Variants in LZTFL1 observed in about 807,000 individuals in gnomAD.
LZTFL1 encodes the protein leucine zipper transcription factor like 1.
LZTFL1 carries 25 observed loss-of-function variants against 45.9 expected under a neutral mutation model. The ratio of observed to expected loss-of-function variants is 0.54; its 90% CI spans 0.40 to 0.76. The LOEUF (loss-of-function observed/expected upper bound fraction) is 0.76, where lower values mean the gene tolerates loss of function less well. Ranked by LOEUF, LZTFL1 falls within the 30% of genes least tolerant of loss-of-function variation. LZTFL1 has a pLI of 0.00. For missense variants in LZTFL1, 277 were observed against 331.1 expected, an observed-to-expected ratio of 0.84 and a Z score of 1.27; for synonymous variants, 93 against 117.4, an observed-to-expected ratio of 0.79 and a Z score of 1.35.
chr3:45,901,556 C>G lies in LZTFL1; in HGVS notation c.-215+11564G>C. ...CCAAGCACAAAGCCCTAAAAGTGAC[C>G]ATCACTGTCCTGACCGTCTTTGTCT... On this transcript the variant is annotated intron_variant, in intron 2 of 4. Coordinates refer to the LZTFL1 transcript ENST00000472635. The surrounding 1 kb of genome is among the most constrained non-coding windows in gnomAD (Gnocchi z 4.3). 1 of 1,614,192 alleles carries G rather than the reference C, an allele frequency of 6.2e-7. No individual in the cohort carries two copies. The highest frequency in any genetic ancestry group is 8.5e-7 in the Non-Finnish European group (1 of 1,180,028).
At chr3:45,895,287 T>G (rs1012892435) in intron 2 of LZTFL1, among the ~76,000 whole-genome samples, 2 of 152,220 alleles carry the variant, frequency 1.3e-5, no homozygotes, top group Admixed American at 6.5e-5. Flanking sequence ...AAAGGGAGAA[T>G]TCATGTAATT....
intron 2 of LZTFL1, among the ~76,000 whole-genome samples, chr3:45,897,810 T>C (rs1257692373): frequency 3.3e-5 from 5 of 152,076 alleles, no homozygotes; most frequent in Non-Finnish European, 7.4e-5. Flanking sequence ...AAATCCATGC[T>C]GCTCCTCGCT....
At chr3:45,882,878 TTA>T (rs1483968739) in intron 2 of LZTFL1, among the ~76,000 whole-genome samples, 2 of 151,626 alleles carry the variant, frequency 1.3e-5, no homozygotes, top group Non-Finnish European at 2.9e-5. Flanking sequence ...CATTTTTGTA[TTA>T]GAGATTCCTC....
rs1701115205 is a variant in LZTFL1 at position 45,841,575 on chromosome 3, G to A, written c.3+414C>T. 1.6e-5 allele frequency: 3 copies of A among 190,616 alleles called. No individual in the cohort carries two copies. The South Asian group carries it at 4.4e-4, about 28-fold the overall frequency. The allele number at this position is 190,616 out of a possible 1,614,324, so 11.8% of individuals were successfully genotyped here. A position where few individuals can be genotyped will look rare whatever the true frequency, so the allele number is the denominator to read the frequency against. ...AAACCTTAGAGCTTCCTGAAACTGA[G>A]TGAGAACCCTGCGTATGTGTTAATG... On this transcript the variant is annotated intron_variant, in intron 1 of 9. Coordinates refer to ENST00000296135, the MANE Select transcript of LZTFL1 (RefSeq NM_020347.4).
chr3:45,827,133 C>A, intron 9 of LZTFL1: 2 of 510,516 alleles, frequency 3.9e-6, no homozygotes, highest in Admixed American at 3.8e-5. Context: ...TTACTGTAGG[C>A]CTGTGTGAGT....
intron 4 of LZTFL1, among the ~76,000 whole-genome samples, chr3:45,852,779 A>T (rs1701327986): frequency 6.6e-6 from 1 of 152,212 alleles, no homozygotes; most frequent in Non-Finnish European, 1.5e-5. Flanking sequence ...ATGAAAAGAG[A>T]AAACAAAAGG....
chr3:45,854,931 G>T, intron 4 of LZTFL1: 1 of 1,300,618 alleles, frequency 7.7e-7, no homozygotes, highest in South Asian at 1.3e-5. Flanking sequence ...AAAAAAACAG[G>T]AACAACCACC....
chr3:45,899,067 G>A (rs1430257458), intron 2 of LZTFL1, among the ~76,000 whole-genome samples: 1 of 152,224 alleles, frequency 6.6e-6, no homozygotes, highest in East Asian at 1.9e-4. Context: ...TCAGGAGGCT[G>A]AGGCAGGAGA....
intron 2 of LZTFL1, among the ~76,000 whole-genome samples, chr3:45,908,312 A>C (rs1702720387): frequency 6.6e-6 from 1 of 152,208 alleles, no homozygotes; most frequent in Non-Finnish European, 1.5e-5. Flanking sequence ...ACCGTGCTGG[A>C]GAGGCCACAA....
chr3:45,911,719 C>T (rs986550496), intron 2 of LZTFL1, among the ~76,000 whole-genome samples: 3 of 152,274 alleles, frequency 2.0e-5, no homozygotes, highest in African/African-American at 7.2e-5. Context: ...CAGGCCCTCC[C>T]CGCTCATGGC....
At chr3:45,831,519 C>A (rs533305100) in intron 5 of LZTFL1, among the ~76,000 whole-genome samples, 3 of 152,276 alleles carry the variant, frequency 2.0e-5, no homozygotes, top group Non-Finnish European at 4.4e-5. Flanking sequence ...CCTGAGAACT[C>A]CTTCACTTCA....
In LZTFL1 at chr3:45,901,038, G is replaced by A. The variant is rs200142278; in HGVS notation, c.-215+12082C>T. ...CTGCACAAGAGTGAAGACCATGACC[G>A]ACATGTTCCTTTTGAATTTGGCAAT... On this transcript the variant is annotated intron_variant, in intron 2 of 4. Transcript: ENST00000472635. This position sits in a 1 kb window ranked among gnomAD's most constrained non-coding sequence, Gnocchi z 4.3. 55 of 1,614,074 alleles carry A rather than the reference G, an allele frequency of 3.4e-5. 1 individual carries two copies. Among genetic ancestry groups the A allele is most frequent in the South Asian group, 3.3e-4 (30 of 91,080 alleles).
intron 9 of LZTFL1, 120 bp from the exon 10 acceptor site, chr3:45,826,452 T>A: frequency 1.2e-6 from 1 of 818,772 alleles, no homozygotes; most frequent in Non-Finnish European, 2.1e-6. Flanking sequence ...ACGGTAGAAG[T>A]TGGACACATT....
intron 2 of LZTFL1, among the ~76,000 whole-genome samples, chr3:45,908,358 C>T (rs1243570645): frequency 3.3e-5 from 5 of 152,198 alleles, no homozygotes; most frequent in Non-Finnish European, 5.9e-5. Flanking sequence ...TGTAATTAGC[C>T]TCATTCAACA....
chr3:45,882,548 T>C (rs1365966174), intron 2 of LZTFL1, among the ~76,000 whole-genome samples: 8 of 152,200 alleles, frequency 5.3e-5, no homozygotes, highest in Non-Finnish European at 1.2e-4. Context: ...TGAAGTAAAA[T>C]TAATTTTTTC....
chr3:45,827,486 T>G (rs1700699092), intron 8 of LZTFL1, 27 bp from the exon 9 acceptor site: 2 of 1,418,080 alleles, frequency 1.4e-6, no homozygotes, highest in African/African-American at 2.8e-5. Flanking sequence ...GTCAGCCCAT[T>G]ACTAAAAAAA....
At chr3:45,887,978 T>C (rs528717021) in intron 2 of LZTFL1, among the ~76,000 whole-genome samples, 1 of 152,350 alleles carries the variant, frequency 6.6e-6, no homozygotes, top group East Asian at 1.9e-4. Flanking sequence ...AGTATCTGAT[T>C]TGATGTTAGT....
intron 3 of LZTFL1, among the ~76,000 whole-genome samples, chr3:45,857,489 A>G (rs1381534774): frequency 6.6e-6 from 1 of 152,164 alleles, no homozygotes; most frequent in African/African-American, 2.4e-5. Context: ...TGTGTAAAAA[A>G]CCTGCACGTC....
chr3:45,841,982 T>A lies in LZTFL1; in HGVS notation c.3+7A>T. ...CGCGGTGCGGCGCCTGAGGGTCGGTTACTCACCATGGCGGCAGGCAGCGGC... is the reference window on the plus strand; with the variant it reads ...CGCGGTGCGGCGCCTGAGGGTCGGTAACTCACCATGGCGGCAGGCAGCGGC... On this transcript the variant is annotated splice_region_variant and intron_variant, in intron 1 of 9. Coordinates refer to ENST00000296135, the MANE Select transcript of LZTFL1 (RefSeq NM_020347.4). 1 of 1,611,730 alleles carries A rather than the reference T, an allele frequency of 6.2e-7. No homozygotes were observed. Among genetic ancestry groups the A allele is most frequent in the Non-Finnish European group, 8.5e-7 (1 of 1,179,566 alleles).
Sources: allele counts gnomAD v4.1 joint callset (sites outside exome capture counted in the v4.1 genomes callset), GRCh38; gene constraint gnomAD v4.1.1; non-coding constraint Gnocchi (gnomAD v3.1); transcripts MANE v1.5; gene names NCBI Gene and HGNC (gene_info 2026-07-23, HGNC 2026-07-21).